DRG1: variants seen among roughly 807,000 people sequenced by gnomAD.
DRG1 encodes the protein developmentally regulated GTP binding protein 1.
DRG1 carries 19 observed loss-of-function variants against 38.8 expected under a neutral mutation model. The ratio of observed to expected loss-of-function variants is 0.49; its 90% CI spans 0.34 to 0.72. DRG1 has a LOEUF of 0.72. DRG1 is among the 30% of genes least tolerant of loss of function. The pLI, the probability that DRG1 is intolerant of heterozygous loss-of-function variation, is 0.01. For missense variants in DRG1, 299 were observed against 444.8 expected (o/e 0.67, Z 2.95); for synonymous variants, 167 against 157.5 (o/e 1.06, Z -0.45).
chr22:31,403,581 C>G (rs550121577), intron 3 of DRG1, among the ~76,000 whole-genome samples: 1 of 152,152 alleles, frequency 6.6e-6, no homozygotes, highest in African/African-American at 2.4e-5. Flanking sequence ...GCTGGAGAAT[C>G]GCTTGAACTA....
chr22:31,413,393 C>G (rs2050028435), intron 4 of DRG1, among the ~76,000 whole-genome samples: 1 of 151,820 alleles, frequency 6.6e-6, no homozygotes, highest in Non-Finnish European at 1.5e-5. Context: ...TGCACTTGGC[C>G]CTTTTAATTT....
At chr22:31,405,846 G>A (rs887172775) in intron 3 of DRG1, among the ~76,000 whole-genome samples, 4 of 151,858 alleles carry the variant, frequency 2.6e-5, no homozygotes, top group African/African-American at 9.7e-5. Context: ...CCACCACTAT[G>A]CCCAGCTAAT....
chr22:31,399,697 T>G lies in DRG1; in HGVS notation c.14T>G (p.Leu5Ter). ...GTACTCGCCACGATGAGCAGCACCT[T>G]AGCTAAGATCGCGGAGATAGAAGCA... MSST[L>*]AKIAEIEAEM... The change falls in exon 1 of 9, where the codon TTA becomes TGA. Residue 5 changes from leucine to a stop codon, truncating the protein, a stop_gained. Coordinates refer to ENST00000331457, the MANE Select transcript of DRG1 (RefSeq NM_004147.4). LOFTEE classifies it high-confidence loss of function. The G allele has an allele frequency of 6.2e-7, 1 of 1,613,996 alleles. No individual in the cohort carries two copies. The highest frequency in any genetic ancestry group is 8.5e-7 in the Non-Finnish European group (1 of 1,179,882).
chr22:31,423,478 C>T (rs982947288), intron 6 of DRG1, 68 bp downstream of exon 6: 55 of 1,286,770 alleles, frequency 4.3e-5, no homozygotes, highest in South Asian at 8.9e-5. Context: ...AGTATTGGAT[C>T]TTGAATCTGG....
At chr22:31,405,649 A>G (rs1457749238) in intron 3 of DRG1, among the ~76,000 whole-genome samples, 1 of 150,214 alleles carries the variant, frequency 6.7e-6, no homozygotes, top group Non-Finnish European at 1.5e-5. Flanking sequence ...AACATCAGTT[A>G]GGCTCATACT....
At chr22:31,401,587 A>C (rs2145856850) in intron 2 of DRG1, among the ~76,000 whole-genome samples, 1 of 149,800 alleles carries the variant, frequency 6.7e-6, no homozygotes, top group Non-Finnish European at 1.5e-5. Context: ...CTGTCTCAAA[A>C]AAAAAAAAAA....
chr22:31,418,743 G>A (rs569982955), intron 4 of DRG1, among the ~76,000 whole-genome samples: 2 of 152,000 alleles, frequency 1.3e-5, no homozygotes, highest in East Asian at 1.9e-4. Context: ...GTGCAGTGGC[G>A]CAATCTCAGC....
In DRG1 at chr22:31,431,019, T is replaced by TCCC. The variant is rs10570678; in HGVS notation, c.1005-2841_1005-2839dup. Among the ~76,000 whole-genome samples, 54 of 81,006 alleles carry TCCC rather than the reference T, an allele frequency of 6.7e-4. 1 individual carries two copies. The highest frequency in any genetic ancestry group is 1.7e-3 in the African/African-American group (35 of 20,090). 53.1% of individuals were successfully genotyped at this position (81,006 alleles called of 152,430 possible). A position where few individuals can be genotyped will look rare whatever the true frequency, so the allele number is the denominator to read the frequency against. ...AGACACTAGCCACTGCACCCGGCCT[T>TCCC]CCCCCCCCCCCCCCGCTTTTTTTTT... On this transcript the variant is annotated intron_variant, in intron 8 of 8. Coordinates refer to ENST00000331457, the MANE Select transcript of DRG1 (RefSeq NM_004147.4).
rs1456520595 is a variant in DRG1 at position 31,399,683 on chromosome 22, G to C, written c.-1G>C. ...GTGGAGGCCACAGGGTACTCGCCAC[G>C]ATGAGCAGCACCTTAGCTAAGATCG... On this transcript the variant is annotated 5_prime_UTR_variant, in exon 1 of 9. Coordinates refer to ENST00000331457, the MANE Select transcript of DRG1 (RefSeq NM_004147.4). The C allele has an allele frequency of 1.2e-6, 2 of 1,614,064 alleles. No homozygotes were observed. The highest frequency in any genetic ancestry group is 2.7e-5 in the African/African-American group (2 of 75,068).
chr22:31,412,158 G>A (rs976986607), intron 4 of DRG1, among the ~76,000 whole-genome samples: 1 of 151,198 alleles, frequency 6.6e-6, no homozygotes, highest in Non-Finnish European at 1.5e-5. Context: ...ACCGGGAGTG[G>A]TGGTGGGCGC....
At chr22:31,416,570 C>T (rs913451153) in intron 4 of DRG1, among the ~76,000 whole-genome samples, 2 of 151,914 alleles carry the variant, frequency 1.3e-5, no homozygotes, top group Non-Finnish European at 2.9e-5. Context: ...GCCTGGCCAA[C>T]GTGGTGAAAC....
At chr22:31,411,617 C>T (rs1433435089) in intron 4 of DRG1, among the ~76,000 whole-genome samples, 1 of 150,048 alleles carries the variant, frequency 6.7e-6, no homozygotes, top group Non-Finnish European at 1.5e-5. Context: ...GCAACCTCTG[C>T]CTCCCGGGTT....
intron 5 of DRG1, among the ~76,000 whole-genome samples, chr22:31,422,954 A>G (rs1023478921): frequency 3.3e-5 from 5 of 152,030 alleles, no homozygotes; most frequent in African/African-American, 1.2e-4. Context: ...CCAGTATTGG[A>G]TTATGGCCCC....
At chr22:31,403,717 T>A (rs892082643) in intron 3 of DRG1, among the ~76,000 whole-genome samples, 1 of 151,898 alleles carries the variant, frequency 6.6e-6, no homozygotes, top group African/African-American at 2.4e-5. Context: ...CTCCTGACCT[T>A]GTGATCCGCC....
intron 8 of DRG1, among the ~76,000 whole-genome samples, chr22:31,431,188 C>T (rs1016610912): frequency 1.3e-5 from 2 of 151,808 alleles, no homozygotes; most frequent in African/African-American, 4.8e-5. Context: ...GTGCCTGCCA[C>T]CATGCCTGGC....
At chr22:31,408,846 C>A (rs2145860838) in intron 3 of DRG1, among the ~76,000 whole-genome samples, 1 of 150,894 alleles carries the variant, frequency 6.6e-6, no homozygotes, top group Admixed American at 6.6e-5. Flanking sequence ...TCAGTATTTG[C>A]CATACAGTAG....
intron 4 of DRG1, among the ~76,000 whole-genome samples, chr22:31,414,751 A>G (rs1263304649): frequency 6.6e-6 from 1 of 151,566 alleles, no homozygotes; most frequent in Non-Finnish European, 1.5e-5. Context: ...GGTTGAGTTA[A>G]TCATGCTTCT....
chr22:31,430,601 G>A (rs555212911), intron 8 of DRG1, among the ~76,000 whole-genome samples: 155 of 151,990 alleles, frequency 1.0e-3, no homozygotes, highest in African/African-American at 3.4e-3. Flanking sequence ...GGGTCTCACC[G>A]TGTTAGCCAG....
intron 1 of DRG1, 69 bp downstream of exon 1, chr22:31,399,794 G>A (rs1038202467): frequency 6.2e-7 from 1 of 1,610,856 alleles, no homozygotes; most frequent in Admixed American, 1.7e-5. Context: ...GCTCCTTCCT[G>A]TTCTCCTTTG....
Sources: gnomAD v4.1 joint callset for allele counts (sites outside exome capture counted in the v4.1 genomes callset) on GRCh38, gnomAD v4.1.1 for gene constraint, MANE v1.5 for transcripts, NCBI Gene and HGNC (gene_info 2026-07-23, HGNC 2026-07-21) for gene names.